Variants in DOCK10 observed in about 807,000 individuals in gnomAD.
DOCK10 encodes dedicator of cytokinesis protein 10.
Under a neutral mutation model 280.1 loss-of-function variants are expected in DOCK10, and 145 were observed. The ratio of observed to expected loss-of-function variants is 0.52; its 90% CI spans 0.45 to 0.59. DOCK10 has a LOEUF of 0.59. DOCK10 is among the 20% of genes least tolerant of loss of function. The pLI is 0.00. For synonymous variants in DOCK10, 915 were observed against 942.2 expected (o/e 0.97, Z 0.53); for missense variants, 2,368 against 2,651.7 (o/e 0.89, Z 2.35).
chr2:224,922,492 A>G (rs890722452), intron 2 of DOCK10, among the ~76,000 whole-genome samples: 3 of 152,212 alleles, frequency 2.0e-5, no homozygotes, highest in African/African-American at 7.2e-5. Context: ...TAAGGAGCCT[A>G]TCTATTGTCC....
chr2:224,797,548 G>A (rs1248589811), intron 42 of DOCK10, among the ~76,000 whole-genome samples: 3 of 152,042 alleles, frequency 2.0e-5, no homozygotes, highest in Non-Finnish European at 2.9e-5. Flanking sequence ...AGTTCAAGGG[G>A]TGCATTTTAC....
chr2:224,874,760 G>A lies in DOCK10; in HGVS notation c.932-9C>T. 3.1e-6 allele frequency: 5 copies of A among 1,610,166 alleles called. No homozygotes were observed. Among genetic ancestry groups the A allele is most frequent in the Non-Finnish European group, 4.2e-6 (5 of 1,176,574 alleles). ...AGAATTATCCAGCGAATCTTAAAAAGATATACCAAGTCAGGTTATTAAATA... is the reference window on the plus strand; with the variant it reads ...AGAATTATCCAGCGAATCTTAAAAAAATATACCAAGTCAGGTTATTAAATA... On this transcript the variant is annotated splice_polypyrimidine_tract_variant and intron_variant, in intron 8 of 55. Coordinates refer to ENST00000258390, the MANE Select transcript of DOCK10 (RefSeq NM_014689.3).
chr2:224,958,285 T>G (rs991830468), intron 1 of DOCK10, among the ~76,000 whole-genome samples: 1 of 152,190 alleles, frequency 6.6e-6, no homozygotes, highest in Non-Finnish European at 1.5e-5. Context: ...GAGTGCAGGA[T>G]GATCCTAGCT....
intron 9 of DOCK10, 61 bp downstream of exon 9, chr2:224,874,605 G>A: frequency 6.8e-7 from 1 of 1,475,234 alleles, no homozygotes; most frequent in Non-Finnish European, 9.5e-7. Context: ...TCTTTTCCAT[G>A]AAAGCAATAA....
In DOCK10 at chr2:224,927,365, C is replaced by G. The variant is rs1395465845; in HGVS notation, c.243+4184G>C. Among the ~76,000 whole-genome samples the G allele has an allele frequency of 2.6e-5, 4 of 152,172 alleles. No individual in the cohort carries two copies. The South Asian group carries it at 8.3e-4, about 32-fold the overall frequency. ...TGAGAAGTTTTAACCAGAGGCATGG[C>G]GTTATCTAATTTGTGTTCCTAACAG... On this transcript the variant is annotated intron_variant, in intron 2 of 55. Coordinates refer to ENST00000258390, the MANE Select transcript of DOCK10 (RefSeq NM_014689.3).
intron 14 of DOCK10, among the ~76,000 whole-genome samples, chr2:224,858,210 GA>G (rs1370186397): frequency 6.6e-6 from 1 of 152,192 alleles, no homozygotes; most frequent in Non-Finnish European, 1.5e-5. Context: ...TTTATTGATA[GA>G]TGTGAATTGT....
intron 3 of DOCK10, among the ~76,000 whole-genome samples, chr2:224,908,190 G>A (rs563726566): frequency 1.3e-5 from 2 of 151,682 alleles, no homozygotes; most frequent in Non-Finnish European, 2.9e-5. Context: ...GTGTATGTGT[G>A]TGTGTGTGTG....
At chr2:224,870,687 A>G (rs1410407010) in intron 11 of DOCK10, among the ~76,000 whole-genome samples, 1 of 151,880 alleles carries the variant, frequency 6.6e-6, no homozygotes, top group Non-Finnish European at 1.5e-5. Flanking sequence ...CATTCTTCAG[A>G]TATTTTATTT....
chr2:224,868,937 C>A (rs1200965523), intron 11 of DOCK10, among the ~76,000 whole-genome samples: 1 of 152,094 alleles, frequency 6.6e-6, no homozygotes, highest in African/African-American at 2.4e-5. Context: ...ATTTTCATTT[C>A]TACTTTGTGA....
rs371563436 is a variant in DOCK10, at chr2:224,807,973, C to T, written c.3523G>A (p.Ala1175Thr). The T allele has an allele frequency of 2.2e-5, 35 of 1,612,818 alleles. No individual in the cohort carries two copies. The African/African-American group carries it at 4.7e-4, about 22-fold the overall frequency. Residue 1175 changes from alanine (A) to threonine (T), a missense_variant, in exon 32 of 56, where the codon GCT (alanine) becomes ACT (threonine). This residue lies in a region of DOCK10 where 1,159 missense variants were observed against 1,400.8 expected (regional missense o/e 0.83). Transcript: ENST00000258390. ...ATTAGATTTTTTAGGACAGCTAAAG[C>T]TAAGTGTCTGACATCTTGGTCTTCC... ...LQEDQDVRHL[A>T]LAVLKNLMAK... is the part of the protein sequence containing the mutation.
At chr2:225,002,533 T>C (rs1263768025) in intron 1 of DOCK10, among the ~76,000 whole-genome samples, 1 of 152,208 alleles carries the variant, frequency 6.6e-6, no homozygotes, top group Non-Finnish European at 1.5e-5. Context: ...AGTTGAGATT[T>C]AGTCAGCTCT....
At chr2:224,942,227 C>T (rs1703132270) in intron 1 of DOCK10, among the ~76,000 whole-genome samples, 1 of 152,224 alleles carries the variant, frequency 6.6e-6, no homozygotes, top group Admixed American at 6.5e-5. Flanking sequence ...TTCTCTGCAG[C>T]TCCCTGACAC....
At chr2:225,033,842 A>C (rs74810198) in intron 1 of DOCK10, among the ~76,000 whole-genome samples, 7,381 of 152,282 alleles carry the variant, frequency 0.048, 392 homozygotes, top group East Asian at 0.18. Flanking sequence ...CACGCCCCCC[A>C]ACCTCATGCT....
At chr2:224,773,695 G>C (rs1298056325) in intron 52 of DOCK10, among the ~76,000 whole-genome samples, 6 of 151,038 alleles carry the variant, frequency 4.0e-5, no homozygotes, top group Admixed American at 4.0e-4. Context: ...GCAGTGGCGC[G>C]ATCTCGGCTC....
chr2:224,924,714 A>G (rs1044754122), intron 2 of DOCK10, among the ~76,000 whole-genome samples: 4 of 152,362 alleles, frequency 2.6e-5, no homozygotes, highest in Non-Finnish European at 5.9e-5. Context: ...AATCAAACAC[A>G]GACCAGGGTC....
rs370107523 is a variant in DOCK10 at position 224,876,255 on chromosome 2, T to A, written c.748-34A>T. On this transcript the variant is annotated intron_variant, in intron 7 of 55. Coordinates refer to ENST00000258390, the MANE Select transcript of DOCK10 (RefSeq NM_014689.3). ...TAAAAAGAAAGAAAGAAAAAGAGAA[T>A]ACCAAAAAATAAGCCTTCGAGAGAG... 2.0e-5 allele frequency: 31 copies of A among 1,525,932 alleles called. No individual in the cohort carries two copies. In the South Asian group the frequency reaches 3.6e-4, roughly 17 times the overall value. 94.5% of individuals were successfully genotyped at this position (1,525,932 alleles called of 1,614,324 possible).
chr2:224,866,857 T>C (rs1697940429), intron 11 of DOCK10, among the ~76,000 whole-genome samples: 1 of 152,196 alleles, frequency 6.6e-6, no homozygotes, highest in Non-Finnish European at 1.5e-5. Context: ...CTTCTGGGTA[T>C]ATTTTTGGCA....
chr2:224,883,219 C>G (rs961530314), intron 7 of DOCK10, among the ~76,000 whole-genome samples: 3 of 152,188 alleles, frequency 2.0e-5, no homozygotes, highest in Admixed American at 6.5e-5. Context: ...ATACCTCCAT[C>G]ATCGCTCTCG....
rs990855484 is a variant in DOCK10, at chr2:224,928,961, A to G, written c.243+2588T>C. Among the ~76,000 whole-genome samples, 11 of 152,266 alleles carry G rather than the reference A, an allele frequency of 7.2e-5. No individual in the cohort carries two copies. In the East Asian group the frequency reaches 9.7e-4, roughly 13 times the overall value. ...TCCTGTCCAGCCATACCAATCTCCA[A>G]TCTTGGAGCTCTTCAGGGCCTTTGC... On this transcript the variant is annotated intron_variant, in intron 2 of 55. Transcript: ENST00000258390.
Sources: allele counts gnomAD v4.1 joint callset (sites outside exome capture counted in the v4.1 genomes callset), GRCh38; gene constraint gnomAD v4.1.1; regional missense constraint gnomAD v4.1.1; transcripts MANE v1.5; gene names NCBI Gene and HGNC (gene_info 2026-07-23, HGNC 2026-07-21).